Variants in GRIK1 observed in about 807,000 individuals in gnomAD.
GRIK1 encodes glutamate ionotropic receptor kainate type subunit 1, also known as glutamate receptor ionotropic, kainate 1.
Under a neutral mutation model 105.7 loss-of-function variants are expected in GRIK1, and 69 were observed. The ratio of observed to expected loss-of-function variants is 0.65; its 90% confidence interval spans 0.54 to 0.80. GRIK1 has a LOEUF of 0.80. Ranked by LOEUF, GRIK1 falls within the 30% of genes least tolerant of loss-of-function variation. The pLI, the probability that GRIK1 is intolerant of heterozygous loss-of-function variation, is 0.00. For missense variants in GRIK1, 1,109 were observed against 1,167.3 expected, an observed-to-expected ratio of 0.95 and a Z score of 0.73; for synonymous variants, 438 against 431.3, an observed-to-expected ratio of 1.02 and a Z score of -0.19.
chr21:29,772,533 C>G (rs917830606), intron 1 of GRIK1, among the ~76,000 whole-genome samples: 6 of 152,164 alleles, frequency 3.9e-5, no homozygotes, highest in Non-Finnish European at 8.8e-5. Flanking sequence ...TAATCAAGGA[C>G]AAAGTTTTAT....
At chr21:29,670,195 C>A (rs1257644689) in intron 4 of GRIK1, among the ~76,000 whole-genome samples, 4 of 152,248 alleles carry the variant, frequency 2.6e-5, no homozygotes. Context: ...ACTGGATAAG[C>A]CATCTCTTTA....
At chr21:29,698,637 A>G (rs986028287) in intron 1 of GRIK1, among the ~76,000 whole-genome samples, 3 of 152,078 alleles carry the variant, frequency 2.0e-5, no homozygotes, top group African/African-American at 7.2e-5. Context: ...GATCAGTTTG[A>G]GTCAGTACAG....
At chr21:29,914,922 G>T (rs1265570769) in intron 1 of GRIK1, among the ~76,000 whole-genome samples, 1 of 151,978 alleles carries the variant, frequency 6.6e-6, no homozygotes, top group African/African-American at 2.4e-5. Flanking sequence ...TAAATTACTT[G>T]CCAAATAAAT....
chr21:29,560,364 T>TCTTCCTTC lies in GRIK1; in HGVS notation c.2356+1252_2356+1259dup, dbSNP rs376778152. Among the ~76,000 whole-genome samples the TCTTCCTTC allele has an allele frequency of 5.2e-3, 185 of 35,910 alleles. 10 individuals carry two copies. The highest frequency in any genetic ancestry group is 0.014 in the South Asian group (10 of 740). 23.6% of individuals were successfully genotyped at this position (35,910 alleles called of 152,430 possible). ...CTTTCTTTCTTTCTTTCTTTTTCTT[T>TCTTCCTTC]CTTCCTTCCTTCCTTCCTTCCTTCC... On this transcript the variant is annotated intron_variant, in intron 15 of 17. Transcript: ENST00000327783.
At chr21:29,649,887 A>G (rs936520549) in intron 6 of GRIK1, among the ~76,000 whole-genome samples, 73 of 152,326 alleles carry the variant, frequency 4.8e-4, no homozygotes, top group African/African-American at 1.7e-3. Context: ...GAGGATTTCG[A>G]ACCATATTTG....
chr21:29,816,284 A>G (rs1007804526), intron 1 of GRIK1, among the ~76,000 whole-genome samples: 1 of 152,186 alleles, frequency 6.6e-6, no homozygotes, highest in Non-Finnish European at 1.5e-5. Flanking sequence ...ATCATCAAAA[A>G]GACAAAAAAT....
At chr21:29,880,781 CT>C (rs1421152275) in intron 1 of GRIK1, among the ~76,000 whole-genome samples, 2 of 152,122 alleles carry the variant, frequency 1.3e-5, no homozygotes, top group Non-Finnish European at 2.9e-5. Flanking sequence ...TCAGGGATGT[CT>C]TGATAGTAGA....
At chr21:29,925,699 T>C (rs2832487) in intron 1 of GRIK1, among the ~76,000 whole-genome samples, 90,520 of 151,648 alleles carry the variant, frequency 0.6, 29,295 homozygotes, top group East Asian at 0.83. Flanking sequence ...CGATTTTGTC[T>C]TTTTAAGTAG....
intron 1 of GRIK1, among the ~76,000 whole-genome samples, chr21:29,877,648 T>G (rs75543228): frequency 0.042 from 6,425 of 152,260 alleles, 226 homozygotes; most frequent in Middle Eastern, 0.085. Flanking sequence ...CCTATTATTC[T>G]TTTATGTTGT....
At chr21:29,649,495 G>T (rs1280229098) in intron 6 of GRIK1, among the ~76,000 whole-genome samples, 1 of 152,110 alleles carries the variant, frequency 6.6e-6, no homozygotes, top group Non-Finnish European at 1.5e-5. Flanking sequence ...TCCATCCACT[G>T]GGACTCAACC....
chr21:29,860,044 C>A (rs1403654533), intron 1 of GRIK1, among the ~76,000 whole-genome samples: 1 of 152,146 alleles, frequency 6.6e-6, no homozygotes, highest in Non-Finnish European at 1.5e-5. Context: ...AAGTGCAGGG[C>A]ATAAAGGGAC....
At chr21:29,833,606 A>G (rs1327869769) in intron 1 of GRIK1, among the ~76,000 whole-genome samples, 1 of 152,164 alleles carries the variant, frequency 6.6e-6, no homozygotes, top group African/African-American at 2.4e-5. Context: ...CTACACATTT[A>G]TAAACAAGCA....
chr21:29,853,195 T>C (rs543897980), intron 1 of GRIK1, among the ~76,000 whole-genome samples: 1 of 152,364 alleles, frequency 6.6e-6, no homozygotes, highest in South Asian at 2.1e-4. Flanking sequence ...TGTGCCATAA[T>C]GAAGCTTCCT....
intron 5 of GRIK1, among the ~76,000 whole-genome samples, chr21:29,654,543 A>T (rs1228722596): frequency 6.6e-6 from 1 of 152,240 alleles, no homozygotes; most frequent in African/African-American, 2.4e-5. Flanking sequence ...TTTCTATTTA[A>T]TGGAATTTTC....
At chr21:29,633,514 A>T (rs185685976) in intron 7 of GRIK1, among the ~76,000 whole-genome samples, 73 of 151,782 alleles carry the variant, frequency 4.8e-4, no homozygotes, top group African/African-American at 1.7e-3. Flanking sequence ...AAATAAAATA[A>T]AAATAAATAA....
chr21:29,560,359 T>TTTC lies in GRIK1; in HGVS notation c.2356+1264_2356+1265insGAA, dbSNP rs2090391242. Among the ~76,000 whole-genome samples the TTTC allele has an allele frequency of 3.4e-4, 15 of 44,024 alleles. 1 individual carries two copies. The highest frequency in any genetic ancestry group is 1.3e-3 in the African/African-American group (14 of 10,404). 28.9% of individuals were successfully genotyped at this position (44,024 alleles called of 152,430 possible). On this transcript the variant is annotated intron_variant, in intron 15 of 17. Coordinates refer to ENST00000327783, the MANE Select transcript of GRIK1 (RefSeq NM_001330994.2). ...TCTTTCTTTCTTTCTTTCTTTCTTTTTCTTTCTTCCTTCCTTCCTTCCTTC... is the reference window on the plus strand; with the variant it reads ...TCTTTCTTTCTTTCTTTCTTTCTTTTTTCTCTTTCTTCCTTCCTTCCTTCCTTC...
At chr21:29,622,785 G>A (rs1032318332) in intron 7 of GRIK1, among the ~76,000 whole-genome samples, 5 of 152,174 alleles carry the variant, frequency 3.3e-5, no homozygotes, top group South Asian at 2.1e-4. Context: ...TCCTCAATAG[G>A]TCACTTGCAC....
intron 1 of GRIK1, among the ~76,000 whole-genome samples, chr21:29,696,946 T>C (rs2063714447): frequency 6.6e-6 from 1 of 152,216 alleles, no homozygotes; most frequent in South Asian, 2.1e-4. Flanking sequence ...ATGAAATAGC[T>C]CTTTTACATA....
chr21:29,541,967 T>G (rs566450395), intron 16 of GRIK1, among the ~76,000 whole-genome samples: 1 of 152,190 alleles, frequency 6.6e-6, no homozygotes, highest in Non-Finnish European at 1.5e-5. Context: ...TACAAATGAA[T>G]TTATAGTAAT....
Sources: gnomAD v4.1 joint callset for allele counts (sites outside exome capture counted in the v4.1 genomes callset) on GRCh38, gnomAD v4.1.1 for gene constraint, MANE v1.5 for transcripts, NCBI Gene and HGNC (gene_info 2026-07-23, HGNC 2026-07-21) for gene names.